Variants in GP6 observed in about 807,000 individuals in gnomAD.
The protein encoded by GP6 is platelet glycoprotein VI.
In GP6, 45 loss-of-function variants were observed where a neutral mutation model predicts 37.3. The observed-to-expected ratio is 1.21, with a 90% CI of 0.95 to 1.55. GP6 has a LOEUF of 1.55. Ranked by LOEUF, GP6 falls within the 40% of genes most tolerant of loss-of-function variation. The probability of loss-of-function intolerance (pLI) is 0.00; values close to 1 mark genes in which losing one functional copy is unlikely to be tolerated. For synonymous variants in GP6, 340 were observed against 316.4 expected (o/e 1.07, Z -0.79); for missense variants, 813 against 760.2 (o/e 1.07, Z -0.82).
chr19:55,037,702 G>A (rs1402704343), intron 1 of GP6, among the ~76,000 whole-genome samples: 1 of 94,174 alleles, frequency 1.1e-5, no homozygotes, highest in Non-Finnish European at 2.2e-5. Context: ...CCTGACCTCA[G>A]CTCACTGCAA....
rs561370230 is a variant in GP6, at chr19:55,032,291, C to T, written c.173G>A (p.Arg58His). 5.6e-6 allele frequency: 9 copies of T among 1,614,140 alleles called. No individual in the cohort carries two copies. Among genetic ancestry groups the T allele is most frequent in the Middle Eastern group, 1.6e-4 (1 of 6,062 alleles). The change falls in exon 3 of 8, where the codon CGC becomes CAC. Residue 58 changes from arginine (R) to histidine (H), a missense_variant. Physicochemically the swap from Arg to His is conservative, Grantham distance 29. Transcript: ENST00000310373. The stretch of plus-strand genomic sequence containing the variant: ...CCTGCTGGAACTCAGCTTCTCCAGG[C>T]GGTACAGGTCCACGCCCGGAGGTCC...
At chr19:55,030,533 G>T (rs1051610767) in intron 3 of GP6, among the ~76,000 whole-genome samples, 1 of 151,968 alleles carries the variant, frequency 6.6e-6, no homozygotes, top group African/African-American at 2.4e-5. Context: ...AGTAGAGACG[G>T]GGTTTCACCA....
At chr19:55,015,231 A>G (rs890569585) in intron 7 of GP6, 66 bp from the exon 8 acceptor site, 19 of 1,549,302 alleles carry the variant, frequency 1.2e-5, no homozygotes, top group Admixed American at 2.0e-5. Flanking sequence ...TCCAAGCCAC[A>G]TCTGGGCTTC....
At position 55,019,762 on chromosome 19, in the gene GP6, C is replaced by T. The variant is rs536918940; in HGVS notation, c.665-1051G>A. On this transcript the variant is annotated intron_variant, in intron 5 of 7. Coordinates refer to ENST00000310373, the MANE Select transcript of GP6 (RefSeq NM_001083899.2). ...GTGCAATCTCGGCTCACTGCAAGCT[C>T]TGCCTCCCGGGTTCACACCATTATC... Among the ~76,000 whole-genome samples, 46 of 150,016 alleles carry T rather than the reference C, an allele frequency of 3.1e-4. 1 individual carries two copies. The South Asian group carries it at 8.7e-3, about 28-fold the overall frequency.
chr19:55,017,119 ATTTT>A (rs11433534), intron 6 of GP6, among the ~76,000 whole-genome samples: 1 of 144,542 alleles, frequency 6.9e-6, no homozygotes, highest in Non-Finnish European at 1.5e-5. Context: ...AAGTAAAGCG[ATTTT>A]TTTTTTTTTT....
chr19:55,027,702 C>G lies in GP6; in HGVS notation c.486G>C (p.Arg162Ser), dbSNP rs763485474. ...TCACCGTGATGATGGGAAAACTAGC[C>G]CTGTACCATCTCTCGGGATTCTTGT... Residue 162 changes from arginine (R) to serine (S), a missense_variant, in exon 4 of 8, where the codon AGG becomes AGC. Coordinates refer to ENST00000310373, the MANE Select transcript of GP6 (RefSeq NM_001083899.2). The G allele has an allele frequency of 1.2e-6, 2 of 1,613,624 alleles. No individual in the cohort carries two copies. Among genetic ancestry groups the G allele is most frequent in the Non-Finnish European group, 1.7e-6 (2 of 1,179,536 alleles).
At chr19:55,033,377 G>A (rs111284226) in intron 1 of GP6, among the ~76,000 whole-genome samples, 10 of 122,454 alleles carry the variant, frequency 8.2e-5, no homozygotes, top group East Asian at 2.8e-4. Context: ...TGTTAGACAC[G>A]GTGGACTCGT....
At chr19:55,024,710 A>G (rs961099632) in intron 5 of GP6, among the ~76,000 whole-genome samples, 20 of 152,198 alleles carry the variant, frequency 1.3e-4, no homozygotes, top group African/African-American at 4.6e-4. Context: ...GGAACTTACT[A>G]GGAATGAAAA....
chr19:55,032,464 G>A, intron 2 of GP6, 42 bp downstream of exon 2: 1 of 1,613,476 alleles, frequency 6.2e-7, no homozygotes, highest in Non-Finnish European at 8.5e-7. Context: ...CTCCCGCGCT[G>A]GCGGATCCCG....
rs1025596226 is a variant in GP6, at chr19:55,032,297, A to C, written c.167T>G (p.Leu56Arg). 6.2e-7 allele frequency: 1 copy of C among 1,614,126 alleles called. No homozygotes were observed. Among genetic ancestry groups the C allele is most frequent in the East Asian group, 2.2e-5 (1 of 44,874 alleles). Reference sequence around the variant, plus strand: ...GGAACTCAGCTTCTCCAGGCGGTACAGGTCCACGCCCGGAGGTCCCTGGCA... The same window carrying C: ...GGAACTCAGCTTCTCCAGGCGGTACCGGTCCACGCCCGGAGGTCCCTGGCA... The change falls in exon 3 of 8, where the codon CTG becomes CGG. Residue 56 changes from leucine to arginine, a missense_variant. Leu to Arg is a moderately radical substitution (Grantham distance 102, BLOSUM62 -2). Transcript: ENST00000310373.
intron 7 of GP6, 115 bp from the exon 8 acceptor site, chr19:55,015,280 G>T: frequency 6.7e-7 from 1 of 1,502,396 alleles, no homozygotes; most frequent in Non-Finnish European, 9.0e-7. Flanking sequence ...AGGGGATGCC[G>T]CTCACTTTCC....
At position 55,030,001 on chromosome 19, in the gene GP6, G is replaced by A. The variant is rs888535898; in HGVS notation, c.325+2138C>T. Reference sequence around the variant, plus strand: ...CGTGAGTGAGGCACTCTCCTGGGATGTAAAATTTAATTATTCCCAAACAAT... The same window carrying A: ...CGTGAGTGAGGCACTCTCCTGGGATATAAAATTTAATTATTCCCAAACAAT... On this transcript the variant is annotated intron_variant, in intron 3 of 7. Transcript: ENST00000310373. Among the ~76,000 whole-genome samples, 3 of 152,154 alleles carry A rather than the reference G, an allele frequency of 2.0e-5. No homozygotes were observed. In the South Asian group the frequency reaches 6.2e-4, roughly 32 times the overall value.
At chr19:55,037,846 C>T (rs894012401) in intron 1 of GP6, among the ~76,000 whole-genome samples, 1 of 152,002 alleles carries the variant, frequency 6.6e-6, no homozygotes, top group Admixed American at 6.6e-5. Flanking sequence ...TGGTCTTGAA[C>T]TCCTGACCTC....
At chr19:55,030,550 C>CT (rs2074521034) in intron 3 of GP6, among the ~76,000 whole-genome samples, 1 of 151,972 alleles carries the variant, frequency 6.6e-6, no homozygotes, top group Non-Finnish European at 1.5e-5. Flanking sequence ...ACCATGTTGG[C>CT]CAGGCTGGTC....
At position 55,013,987 on chromosome 19, in the gene GP6, T is replaced by C. The variant is rs532098985; in HGVS notation, c.*95A>G. 2.2e-6 allele frequency: 1 copy of C among 461,834 alleles called. No individual in the cohort carries two copies. The highest frequency in any genetic ancestry group is 6.3e-5 in the East Asian group (1 of 15,956). The allele number at this position is 461,834 out of a possible 1,614,324, so 28.6% of individuals were successfully genotyped here. ...TATGAGAGGGGTGGAGACGGTGCAT[T>C]ATCTTATTTTTATGATTTTAAAAAT... On this transcript the variant is annotated 3_prime_UTR_variant, in exon 8 of 8. Coordinates refer to ENST00000310373, the MANE Select transcript of GP6 (RefSeq NM_001083899.2).
chr19:55,030,358 T>TG (rs2074511984), intron 3 of GP6, among the ~76,000 whole-genome samples: 1 of 121,300 alleles, frequency 8.2e-6, no homozygotes, highest in Admixed American at 9.0e-5. Flanking sequence ...TCTTTTTTTT[T>TG]TTTTCCCAAG....
Position 55,014,853 on chromosome 19 carries a change from C to T in GP6, c.1092G>A (p.Trp364Ter). The change falls in exon 8 of 8, where the codon TGG (tryptophan) becomes TGA (stop). Residue 364 changes from tryptophan to a stop codon, truncating the protein, a stop_gained. Transcript: ENST00000310373. LOFTEE classifies it low-confidence loss of function (END_TRUNC). ...CTCCTGCTTCCACGCTCCACACACGCCAGTCTTTGAGTCGCCTCCCATGCC... is the reference window on the plus strand; with the variant it reads ...CTCCTGCTTCCACGCTCCACACACGTCAGTCTTTGAGTCGCCTCCCATGCC... 6.2e-7 allele frequency: 1 copy of T among 1,614,096 alleles called. No homozygotes were observed. The highest frequency in any genetic ancestry group is 1.1e-5 in the South Asian group (1 of 91,078).
chr19:55,025,120 C>G, intron 5 of GP6, 98 bp downstream of exon 5: 1 of 753,368 alleles, frequency 1.3e-6, no homozygotes, highest in Non-Finnish European at 2.4e-6. Flanking sequence ...GTGAAAGAAC[C>G]AACTGAATTA....
At chr19:55,027,518 G>C (rs988000817) in intron 4 of GP6, 60 bp downstream of exon 4, 1 of 1,385,896 alleles carries the variant, frequency 7.2e-7, no homozygotes, top group African/African-American at 1.4e-5. Flanking sequence ...CCCTCCCTTG[G>C]AATGGCCATC....
Sources: gnomAD v4.1 joint callset for allele counts (sites outside exome capture counted in the v4.1 genomes callset) on GRCh38, gnomAD v4.1.1 for gene constraint, MANE v1.5 for transcripts, NCBI Gene and HGNC (gene_info 2026-07-23, HGNC 2026-07-21) for gene names.